CPNE4: variants seen among roughly 807,000 people sequenced by gnomAD.
CPNE4 encodes copine 4, also known as copine-4.
In CPNE4, 25 loss-of-function variants were observed where a neutral mutation model predicts 67.9. The observed-to-expected ratio is 0.37, with a 90% CI of 0.27 to 0.51. CPNE4 has a LOEUF of 0.51. Among genes scored for constraint, CPNE4 ranks in the 20% least tolerant of loss-of-function variants. The pLI, the probability that CPNE4 is intolerant of heterozygous loss-of-function variation, is 0.93. For synonymous variants in CPNE4, 242 were observed against 244.9 expected (o/e 0.99, Z 0.11); for missense variants, 464 against 690.8 (o/e 0.67, Z 3.68).
rs1034034315 is a variant in CPNE4, at chr3:131,937,627, G to T, written c.-1-32183C>A. 2.0e-5 allele frequency among the ~76,000 whole-genome samples: 3 copies of T among 152,150 alleles called. No individual in the cohort carries two copies. In the South Asian group the frequency reaches 6.2e-4, roughly 32 times the overall value. Reference sequence around the variant, plus strand: ...ATAAACTGTCAGTATTAGGGTGCTGGGACAGAAACAACACTCTAATGCTGA... The same window carrying T: ...ATAAACTGTCAGTATTAGGGTGCTGTGACAGAAACAACACTCTAATGCTGA... On this transcript the variant is annotated intron_variant, in intron 1 of 15. Transcript: ENST00000429747.
chr3:131,866,715 C>T (rs1047824028), intron 2 of CPNE4, among the ~76,000 whole-genome samples: 1 of 152,068 alleles, frequency 6.6e-6, no homozygotes, highest in Admixed American at 6.6e-5. Context: ...GCTGAAGAAT[C>T]CAGGTTCAAA....
At chr3:131,701,591 G>A (rs959397201) in intron 3 of CPNE4, among the ~76,000 whole-genome samples, 15 of 152,144 alleles carry the variant, frequency 9.9e-5, no homozygotes, top group Admixed American at 3.3e-4. Flanking sequence ...CAGATTGTGA[G>A]TAGTCCTATA....
chr3:131,790,018 T>C (rs1377048489), intron 2 of CPNE4, among the ~76,000 whole-genome samples: 1 of 152,154 alleles, frequency 6.6e-6, no homozygotes, highest in Non-Finnish European at 1.5e-5. Context: ...GATCATTTAG[T>C]GGACATTGGA....
chr3:131,933,052 T>G (rs1417405434), intron 1 of CPNE4, among the ~76,000 whole-genome samples: 1 of 152,138 alleles, frequency 6.6e-6, no homozygotes. Flanking sequence ...TCAACATGGC[T>G]GACACACTGA....
chr3:132,034,719 G>T lies in CPNE4; in HGVS notation c.-154C>A. 1 of 985,300 alleles carries T rather than the reference G, an allele frequency of 1.0e-6. No individual in the cohort carries two copies. Among genetic ancestry groups the T allele is most frequent in the Non-Finnish European group, 1.2e-6 (1 of 830,012 alleles). 61.0% of individuals were successfully genotyped at this position (985,300 alleles called of 1,614,324 possible). On this transcript the variant is annotated 5_prime_UTR_variant, in exon 1 of 16. Coordinates refer to ENST00000429747, the MANE Select transcript of CPNE4 (RefSeq NM_130808.3). ...GGGCGTCGCACCTCCTTCCCCTCTC[G>T]TCCTCCGAGGTCAGTTTAGCAACAG...
At chr3:131,570,714 G>T (rs1334166784) in intron 10 of CPNE4, among the ~76,000 whole-genome samples, 2 of 151,984 alleles carry the variant, frequency 1.3e-5, no homozygotes, top group Non-Finnish European at 2.9e-5. Context: ...CTTCAGGAGT[G>T]CCCTTGACCT....
chr3:131,661,918 G>A (rs993958288), intron 7 of CPNE4, among the ~76,000 whole-genome samples: 16 of 152,062 alleles, frequency 1.1e-4, no homozygotes, highest in African/African-American at 2.7e-4. Flanking sequence ...ACCAATAATC[G>A]TGAAATGTTG....
At chr3:131,785,151 T>C (rs2083524433) in intron 2 of CPNE4, among the ~76,000 whole-genome samples, 1 of 152,140 alleles carries the variant, frequency 6.6e-6, no homozygotes, top group South Asian at 2.1e-4. Context: ...GCTCCTTTGC[T>C]TAAATTATTT....
At chr3:131,941,231 A>T (rs1200507906) in intron 1 of CPNE4, among the ~76,000 whole-genome samples, 1 of 152,112 alleles carries the variant, frequency 6.6e-6, no homozygotes, top group Non-Finnish European at 1.5e-5. Context: ...TAAAAATTAT[A>T]TTAAGAACGA....
chr3:131,650,723 G>C (rs1388672288), intron 7 of CPNE4, among the ~76,000 whole-genome samples: 3 of 123,544 alleles, frequency 2.4e-5, no homozygotes, highest in African/African-American at 8.6e-5. Flanking sequence ...CCAGCCTGGG[G>C]GACAGAGCAA....
chr3:131,782,364 C>G (rs2083450725), intron 2 of CPNE4, among the ~76,000 whole-genome samples: 1 of 152,074 alleles, frequency 6.6e-6, no homozygotes, highest in Non-Finnish European at 1.5e-5. Flanking sequence ...GTTATGAACA[C>G]TTTAGAATTT....
intron 2 of CPNE4, among the ~76,000 whole-genome samples, chr3:131,840,415 C>T (rs1360770013): frequency 4.6e-5 from 7 of 152,166 alleles, no homozygotes; most frequent in Non-Finnish European, 7.4e-5. Context: ...AAATATTTAT[C>T]AACAGGATTT....
At chr3:131,885,809 C>T (rs908854123) in intron 2 of CPNE4, among the ~76,000 whole-genome samples, 3 of 151,856 alleles carry the variant, frequency 2.0e-5, no homozygotes, top group Non-Finnish European at 2.9e-5. Context: ...TTTGTTCTTG[C>T]GATAGTTTAC....
intron 2 of CPNE4, among the ~76,000 whole-genome samples, chr3:131,840,034 A>G (rs1298501246): frequency 6.6e-6 from 1 of 152,170 alleles, no homozygotes; most frequent in East Asian, 1.9e-4. Flanking sequence ...ATGAATATAC[A>G]TACATACATT....
intron 1 of CPNE4, among the ~76,000 whole-genome samples, chr3:131,929,305 C>A (rs576627511): frequency 2.1e-4 from 31 of 151,128 alleles, no homozygotes; most frequent in Non-Finnish European, 4.0e-4. Context: ...ATAAGTAGAA[C>A]AGATACCACC....
At chr3:131,986,867 CAA>C (rs112652096) in intron 1 of CPNE4, among the ~76,000 whole-genome samples, 43 of 134,650 alleles carry the variant, frequency 3.2e-4, no homozygotes, top group South Asian at 1.8e-3. Flanking sequence ...AACAAACAAA[CAA>C]AAAAAAAAAA....
intron 2 of CPNE4, among the ~76,000 whole-genome samples, chr3:131,791,641 A>G (rs2083724769): frequency 6.6e-6 from 1 of 152,166 alleles, no homozygotes; most frequent in Admixed American, 6.6e-5. Context: ...AATTTTAGGA[A>G]ACAGTACAGA....
intron 1 of CPNE4, among the ~76,000 whole-genome samples, chr3:131,954,970 A>G (rs2071901265): frequency 7.1e-6 from 1 of 141,772 alleles, no homozygotes; most frequent in East Asian, 1.9e-4. Context: ...ATGCATGTGA[A>G]AAAAAAAAAA....
chr3:131,632,173 C>T (rs2079244305), intron 7 of CPNE4, among the ~76,000 whole-genome samples: 1 of 151,790 alleles, frequency 6.6e-6, no homozygotes, highest in South Asian at 2.1e-4. Context: ...CCATGCCTGG[C>T]TAATTTTTGT....
Sources: allele counts gnomAD v4.1 joint callset (sites outside exome capture counted in the v4.1 genomes callset), GRCh38; gene constraint gnomAD v4.1.1; transcripts MANE v1.5; gene names NCBI Gene and HGNC (gene_info 2026-07-23, HGNC 2026-07-21).